Variants in PTER observed in about 807,000 individuals in gnomAD.
PTER encodes N-acetyltaurine hydrolase.
PTER carries 38 observed loss-of-function variants against 29.6 expected under a neutral mutation model. The ratio of observed to expected loss-of-function variants is 1.28; its 90% CI spans 0.99 to 1.68. The LOEUF (loss-of-function observed/expected upper bound fraction) is 1.68. Among genes scored for constraint, PTER ranks in the 40% most tolerant of loss-of-function variants. PTER has a pLI of 0.00. For missense variants in PTER, 482 were observed against 427.8 expected (o/e 1.13, Z -1.12); for synonymous variants, 172 against 154.5 (o/e 1.11, Z -0.84).
At chr10:16,444,377 C>A (rs2133360749) in intron 1 of PTER, among the ~76,000 whole-genome samples, 1 of 151,872 alleles carries the variant, frequency 6.6e-6, no homozygotes, top group South Asian at 2.1e-4. Flanking sequence ...AGCTTCTGGG[C>A]TAAAGCGATC....
intron 1 of PTER, among the ~76,000 whole-genome samples, chr10:16,466,422 C>G (rs1444176060): frequency 6.6e-6 from 1 of 152,118 alleles, no homozygotes; most frequent in Non-Finnish European, 1.5e-5. Flanking sequence ...GTGGCACCAT[C>G]TCAGCTCACT....
intron 4 of PTER, among the ~76,000 whole-genome samples, chr10:16,507,027 G>A (rs2133511048): frequency 6.6e-6 from 1 of 151,862 alleles, no homozygotes; most frequent in South Asian, 2.1e-4. Context: ...AACAGTTCAA[G>A]AGATTGAGGG....
chr10:16,469,940 T>G (rs1461143994), intron 1 of PTER, among the ~76,000 whole-genome samples: 1 of 152,026 alleles, frequency 6.6e-6, no homozygotes, highest in Non-Finnish European at 1.5e-5. Flanking sequence ...TTGTAGATGT[T>G]GCATCAGAGA....
At chr10:16,505,197 C>T (rs897840747) in intron 4 of PTER, 37 bp downstream of exon 4, 17 of 1,605,460 alleles carry the variant, frequency 1.1e-5, no homozygotes, top group Non-Finnish European at 1.4e-5. Flanking sequence ...ATTCCCTTTC[C>T]CTAGCCCTTT....
downstream of PTER, chr10:16,514,293 G>T: frequency 1.8e-6 from 1 of 561,242 alleles, no homozygotes; most frequent in Non-Finnish European, 3.1e-6. Context: ...GGACACTAAC[G>T]ATAAGGAGTA....
chr10:16,470,505 C>T (rs909977770), intron 1 of PTER, among the ~76,000 whole-genome samples: 2 of 152,216 alleles, frequency 1.3e-5, no homozygotes, highest in Non-Finnish European at 2.9e-5. Flanking sequence ...CGGTGGCTCA[C>T]GCCTGTAATC....
intron 3 of PTER, among the ~76,000 whole-genome samples, chr10:16,490,980 T>C (rs1835879059): frequency 6.6e-6 from 1 of 152,072 alleles, no homozygotes; most frequent in Non-Finnish European, 1.5e-5. Flanking sequence ...CACATATGTA[T>C]ATATTTATGT....
chr10:16,470,636 C>T (rs562578912), intron 1 of PTER, among the ~76,000 whole-genome samples: 5 of 152,154 alleles, frequency 3.3e-5, no homozygotes, highest in South Asian at 2.1e-4. Flanking sequence ...GGTGTGGTGG[C>T]GGGTGCCCGT....
Position 16,445,282 on chromosome 10 carries a change from C to A in PTER, c.-49+8235C>A, listed in dbSNP as rs1833977950. On this transcript the variant is annotated intron_variant, in intron 1 of 4. Coordinates refer to ENST00000535784, the MANE Select transcript of PTER (RefSeq NM_001261836.2). ...GTTGTTGAGGCTGAGCGTGGTGGCTCCTGCCTGTAATCACAGCTACTCAGG... is the reference window on the plus strand; with the variant it reads ...GTTGTTGAGGCTGAGCGTGGTGGCTACTGCCTGTAATCACAGCTACTCAGG... 2.0e-5 allele frequency among the ~76,000 whole-genome samples: 3 copies of A among 152,196 alleles called. No homozygotes were observed. In the South Asian group the frequency reaches 6.2e-4, roughly 32 times the overall value.
At chr10:16,483,132 A>G (rs867530990) in intron 1 of PTER, among the ~76,000 whole-genome samples, 43 of 152,202 alleles carry the variant, frequency 2.8e-4, no homozygotes, top group Admixed American at 2.4e-3. Flanking sequence ...GTACTTTTAA[A>G]GGAAAGTACT....
chr10:16,445,002 G>T (rs1478603139), intron 1 of PTER, among the ~76,000 whole-genome samples: 2 of 152,260 alleles, frequency 1.3e-5, no homozygotes, highest in African/African-American at 4.8e-5. Flanking sequence ...ATGTATTATT[G>T]AAGCTGTGTG....
intron 4 of PTER, among the ~76,000 whole-genome samples, chr10:16,506,853 A>G (rs1472481887): frequency 6.6e-6 from 1 of 152,112 alleles, no homozygotes; most frequent in African/African-American, 2.4e-5. Flanking sequence ...AGATCTTGAC[A>G]TGGATGTGTT....
chr10:16,502,989 A>AG (rs1491196283), intron 3 of PTER, among the ~76,000 whole-genome samples: 2 of 95,458 alleles, frequency 2.1e-5, no homozygotes, highest in Non-Finnish European at 3.7e-5. Flanking sequence ...ACTCTGTCTC[A>AG]AAAAAAAAAA....
intron 1 of PTER, among the ~76,000 whole-genome samples, chr10:16,477,258 C>T (rs868558789): frequency 6.8e-6 from 1 of 147,906 alleles, no homozygotes; most frequent in African/African-American, 2.6e-5. Flanking sequence ...TTCTGTCTTT[C>T]GATAGATAGA....
intron 1 of PTER, among the ~76,000 whole-genome samples, chr10:16,439,814 C>A (rs778760296): frequency 1.3e-5 from 2 of 152,132 alleles, no homozygotes; most frequent in Non-Finnish European, 1.5e-5. Context: ...CTTCCCACCT[C>A]GGCCTCCCAA....
At chr10:16,445,044 C>G (rs1056843536) in intron 1 of PTER, among the ~76,000 whole-genome samples, 3 of 152,108 alleles carry the variant, frequency 2.0e-5, no homozygotes, top group Non-Finnish European at 4.4e-5. Flanking sequence ...ACACTGCACT[C>G]TCTACATTAG....
intron 1 of PTER, among the ~76,000 whole-genome samples, chr10:16,480,975 A>G (rs963279265): frequency 1.3e-5 from 2 of 152,154 alleles, no homozygotes; most frequent in African/African-American, 4.8e-5. Context: ...CTGTCCTCTG[A>G]TTCTCTTCTC....
intron 1 of PTER, among the ~76,000 whole-genome samples, chr10:16,479,123 C>T (rs1835386659): frequency 6.6e-6 from 1 of 151,916 alleles, no homozygotes; most frequent in Non-Finnish European, 1.5e-5. Flanking sequence ...TGAAACCCAA[C>T]ATTTTCCTCC....
chr10:16,457,312 A>T (rs547159044), intron 1 of PTER, among the ~76,000 whole-genome samples: 2 of 151,954 alleles, frequency 1.3e-5, no homozygotes, highest in Admixed American at 6.6e-5. Flanking sequence ...TCCCGGGTTC[A>T]CGCCATTCTC....
Sources: gnomAD v4.1 joint callset for allele counts (sites outside exome capture counted in the v4.1 genomes callset) on GRCh38, gnomAD v4.1.1 for gene constraint, MANE v1.5 for transcripts, NCBI Gene and HGNC (gene_info 2026-07-23, HGNC 2026-07-21) for gene names.